VPS50: variants seen among roughly 807,000 people sequenced by gnomAD.
VPS50 encodes the protein VPS50 subunit of EARP/GARPII complex.
In VPS50, 70 loss-of-function variants were observed where a neutral mutation model predicts 139.7. The ratio of observed to expected loss-of-function variants is 0.50; its 90% CI spans 0.41 to 0.61. The LOEUF (loss-of-function observed/expected upper bound fraction) is 0.61. Among genes scored for constraint, VPS50 ranks in the 20% least tolerant of loss-of-function variants. VPS50 has a pLI of 0.00. For synonymous variants in VPS50, 365 were observed against 376.7 expected, an observed-to-expected ratio of 0.97 and a Z score of 0.36; for missense variants, 921 against 1,133.7, an observed-to-expected ratio of 0.81 and a Z score of 2.69.
intron 26 of VPS50, among the ~76,000 whole-genome samples, chr7:93,354,025 A>G (rs984315588): frequency 6.6e-6 from 1 of 152,176 alleles, no homozygotes; most frequent in Non-Finnish European, 1.5e-5. Context: ...AACTAACATT[A>G]TTACTTAATA....
At chr7:93,344,664 A>G (rs1798334628) in intron 23 of VPS50, among the ~76,000 whole-genome samples, 1 of 151,900 alleles carries the variant, frequency 6.6e-6, no homozygotes, top group Admixed American at 6.5e-5. Context: ...ACTAGAACTC[A>G]GGATTAAGAA....
chr7:93,330,525 G>T (rs1797905305), intron 21 of VPS50, among the ~76,000 whole-genome samples: 1 of 152,064 alleles, frequency 6.6e-6, no homozygotes, highest in South Asian at 2.1e-4. Flanking sequence ...AGGCTGAGGT[G>T]GAAGGGTCAC....
chr7:93,256,701 A>G, intron 5 of VPS50, 139 bp downstream of exon 5: 1 of 503,208 alleles, frequency 2.0e-6, no homozygotes, highest in Non-Finnish European at 3.4e-6. Flanking sequence ...GTTTGTGTAT[A>G]TGTATGTATG....
chr7:93,345,036 A>G (rs1335245215), intron 23 of VPS50, among the ~76,000 whole-genome samples: 1 of 152,222 alleles, frequency 6.6e-6, no homozygotes, highest in Non-Finnish European at 1.5e-5. Flanking sequence ...TAACGAATCC[A>G]GGAGCTGGTT....
chr7:93,292,870 G>A (rs988991942), intron 13 of VPS50, among the ~76,000 whole-genome samples: 1 of 152,100 alleles, frequency 6.6e-6, no homozygotes, highest in African/African-American at 2.4e-5. Flanking sequence ...GCAGAGAGAA[G>A]GTTGGGCACA....
intron 25 of VPS50, among the ~76,000 whole-genome samples, chr7:93,353,148 C>T (rs774035296): frequency 6.6e-6 from 1 of 152,032 alleles, no homozygotes; most frequent in African/African-American, 2.4e-5. Flanking sequence ...ATCCTCAACC[C>T]ATATCATTAT....
chr7:93,344,894 C>T, intron 23 of VPS50, among the ~76,000 whole-genome samples: 1 of 151,972 alleles, frequency 6.6e-6, no homozygotes, highest in Non-Finnish European at 1.5e-5. Context: ...CCAAAATTGA[C>T]ACCCTAACAT....
At position 93,303,534 on chromosome 7, in the gene VPS50, G is replaced by A. The variant is rs200751674; in HGVS notation, c.1436G>A (p.Ser479Asn). Reference protein sequence around the residue: ...WELCPVKSNFSILQLHEFKFM... With the variant: ...WELCPVKSNFNILQLHEFKFM... ...CTTTGTCCTGTTAAGTCAAATTTCA[G>A]CATCTTGCAACTTCATGTAAGTGTT... The change falls in exon 17 of 28, where the codon AGC becomes AAC. Residue 479 changes from serine to asparagine, a missense_variant. By Grantham distance (46) the Ser-to-Asn change is conservative. Coordinates refer to ENST00000305866, the MANE Select transcript of VPS50 (RefSeq NM_017667.4). 4.3e-5 allele frequency: 66 copies of A among 1,524,676 alleles called. No homozygotes were observed. Among genetic ancestry groups the A allele is most frequent in the South Asian group, 5.9e-5 (5 of 84,712 alleles). 94.4% of individuals were successfully genotyped at this position (1,524,676 alleles called of 1,614,324 possible).
chr7:93,260,689 G>A (rs1216650612), intron 9 of VPS50, among the ~76,000 whole-genome samples: 1 of 149,536 alleles, frequency 6.7e-6, no homozygotes, highest in Admixed American at 6.7e-5. Context: ...TTGTTTGTTT[G>A]TTTGTTTGTT....
chr7:93,336,316 G>A (rs575632127), intron 22 of VPS50, among the ~76,000 whole-genome samples: 4 of 152,198 alleles, frequency 2.6e-5, no homozygotes, highest in South Asian at 4.1e-4. Context: ...AGTGCCACCC[G>A]AAATAATTTA....
chr7:93,312,899 C>A (rs1405895637), intron 20 of VPS50, among the ~76,000 whole-genome samples: 1 of 152,150 alleles, frequency 6.6e-6, no homozygotes, highest in East Asian at 1.9e-4. Flanking sequence ...CTAGACTCAG[C>A]AGTTTTCAAT....
chr7:93,316,146 A>G (rs1228338913), intron 20 of VPS50, among the ~76,000 whole-genome samples: 1 of 152,206 alleles, frequency 6.6e-6, no homozygotes, highest in East Asian at 1.9e-4. Context: ...CATTTTGGAC[A>G]GAAAGAACAT....
Position 93,239,883 on chromosome 7 carries a change from A to G in VPS50, c.51A>G (p.Gln17=), listed in dbSNP as rs765611699. The change falls in exon 2 of 28, where the codon CAA becomes CAG. Residue 17 remains glutamine, a synonymous_variant. Transcript: ENST00000305866. ...LMTRQGLKSP[Q]ESLSDLGAIE... ...TTTTTAAGGGTCTGAAAAGCCCTCA[A>G]GAAAGCCTCAGTGATCTTGGTGCCA... 1.8e-5 allele frequency: 29 copies of G among 1,604,296 alleles called. No individual in the cohort carries two copies. The highest frequency in any genetic ancestry group is 2.5e-5 in the Non-Finnish European group (29 of 1,171,544).
At chr7:93,355,864 AT>A (rs374667557) in intron 26 of VPS50, 26 bp from the exon 27 acceptor site, 13,936 of 1,370,886 alleles carry the variant, frequency 0.01, 389 homozygotes, top group African/African-American at 0.087. Flanking sequence ...CCTATAATGT[AT>A]TTTTTTTTAT....
Position 93,276,265 on chromosome 7 carries a change from A to G in VPS50, c.902A>G (p.Asp301Gly). The G allele has an allele frequency of 6.2e-7, 1 of 1,613,686 alleles. No homozygotes were observed. Among genetic ancestry groups the G allele is most frequent in the Non-Finnish European group, 8.5e-7 (1 of 1,179,722 alleles). The stretch of plus-strand genomic sequence containing the variant: ...GTGGAACTATGTGCAGGAAACACAG[A>G]CACAAAATTCCAAAAGCTGCAATAT... Reference protein sequence around the residue: ...GYVELCAGNTDTKFQKLQYKD... With the variant: ...GYVELCAGNTGTKFQKLQYKD... Residue 301 changes from aspartate to glycine, a missense_variant, in exon 12 of 28, where the codon GAC (aspartate) becomes GGC (glycine). Coordinates refer to ENST00000305866, the MANE Select transcript of VPS50 (RefSeq NM_017667.4).
intron 20 of VPS50, among the ~76,000 whole-genome samples, chr7:93,312,089 TAATG>T (rs1797285464): frequency 6.6e-6 from 1 of 152,110 alleles, no homozygotes; most frequent in African/African-American, 2.4e-5. Context: ...TAAATTTAAT[TAATG>T]AATAGGATAA....
rs1319626281 is a variant in VPS50 at position 93,303,539 on chromosome 7, T to C, written c.1441T>C (p.Leu481=). ...LCPVKSNFSI[L]QLHEFKFMEQ... is the part of the protein sequence containing the mutation. ...TCCTGTTAAGTCAAATTTCAGCATCTTGCAACTTCATGTAAGTGTTTCTTA... is the reference window on the plus strand; with the variant it reads ...TCCTGTTAAGTCAAATTTCAGCATCCTGCAACTTCATGTAAGTGTTTCTTA... The change falls in exon 17 of 28, where the codon TTG becomes CTG. Residue 481 remains leucine, a synonymous_variant. Transcript: ENST00000305866. 1.3e-6 allele frequency: 2 copies of C among 1,500,990 alleles called. No individual in the cohort carries two copies. Among genetic ancestry groups the C allele is most frequent in the African/African-American group, 2.8e-5 (2 of 72,428 alleles). The allele number at this position is 1,500,990 out of a possible 1,614,324, so 93.0% of individuals were successfully genotyped here. A position where few individuals can be genotyped will look rare whatever the true frequency, so the allele number is the denominator to read the frequency against.
intron 21 of VPS50, among the ~76,000 whole-genome samples, chr7:93,324,206 C>G (rs1797701080): frequency 6.6e-6 from 1 of 152,300 alleles, no homozygotes; most frequent in Admixed American, 6.5e-5. Flanking sequence ...ATGGGGTTTT[C>G]TAGATATACA....
chr7:93,356,974 C>G (rs1014394892), intron 27 of VPS50, among the ~76,000 whole-genome samples: 2 of 152,286 alleles, frequency 1.3e-5, no homozygotes, highest in East Asian at 1.9e-4. Context: ...TGTCCCCACT[C>G]TTACTCAGTT....
Sources: gnomAD v4.1 joint callset for allele counts (sites outside exome capture counted in the v4.1 genomes callset) on GRCh38, gnomAD v4.1.1 for gene constraint, MANE v1.5 for transcripts, NCBI Gene and HGNC (gene_info 2026-07-23, HGNC 2026-07-21) for gene names.